PAM: variants seen among roughly 807,000 people sequenced by gnomAD.
PAM encodes peptidylglycine alpha-amidating monooxygenase.
In PAM, 72 loss-of-function variants were observed where a neutral mutation model predicts 122.1. The ratio of observed to expected loss-of-function variants is 0.59; its 90% CI spans 0.49 to 0.72. The LOEUF is 0.72. PAM is among the 30% of genes least tolerant of loss of function. PAM has a pLI of 0.00. For synonymous variants in PAM, 389 were observed against 404.4 expected (o/e 0.96, Z 0.46); for missense variants, 1,106 against 1,183.7 (o/e 0.93, Z 0.96).
chr5:102,949,660 C>G (rs771570537), intron 10 of PAM, 43 bp downstream of exon 10: 2 of 946,124 alleles, frequency 2.1e-6, no homozygotes, highest in African/African-American at 3.3e-5. Flanking sequence ...TACCATTGTG[C>G]TTCCTGGTGC....
At chr5:102,933,818 A>G (rs1172992449) in intron 7 of PAM, among the ~76,000 whole-genome samples, 2 of 152,212 alleles carry the variant, frequency 1.3e-5, no homozygotes, top group African/African-American at 4.8e-5. Context: ...GATCAGTGGC[A>G]AGGTAACTGT....
chr5:102,953,419 G>T (rs975875018), intron 12 of PAM, among the ~76,000 whole-genome samples: 4 of 152,146 alleles, frequency 2.6e-5, no homozygotes, highest in Non-Finnish European at 4.4e-5. Flanking sequence ...CAAGGTGGAT[G>T]AATCTGAAGG....
intron 1 of PAM, among the ~76,000 whole-genome samples, chr5:102,827,665 ATTTTTTTTTTTTT>A (rs947792228): frequency 2.8e-5 from 1 of 35,574 alleles, no homozygotes; most frequent in East Asian, 1.3e-3. Flanking sequence ...GCTCACTATG[ATTTTTTTTTTTTT>A]TTTTTTTTTT....
At position 103,029,033 on chromosome 5, in the gene PAM, C is replaced by T; in HGVS notation, c.2890C>T (p.Pro964Ser). ...GSESEEEYSA[P>S]LPALAPSSS ...TGAATCAGAAGAGGAGTATTCAGCA[C>T]CTCTGCCTGCGCTCGCACCTTCCTC... Residue 964 changes from proline to serine, a missense_variant, in exon 26 of 26, where the codon CCT becomes TCT. By Grantham distance (74) the Pro-to-Ser change is moderately conservative (BLOSUM62 -1). Coordinates refer to ENST00000438793, the MANE Select transcript of PAM (RefSeq NM_001177306.2). 6.2e-7 allele frequency: 1 copy of T among 1,612,248 alleles called. No homozygotes were observed. Among genetic ancestry groups the T allele is most frequent in the Non-Finnish European group, 8.5e-7 (1 of 1,179,446 alleles).
intron 14 of PAM, among the ~76,000 whole-genome samples, chr5:102,962,347 A>G (rs1027192353): frequency 1.3e-5 from 2 of 151,850 alleles, no homozygotes; most frequent in African/African-American, 2.4e-5. Flanking sequence ...AATCCTGTTT[A>G]TATATTTGTA....
intron 1 of PAM, among the ~76,000 whole-genome samples, chr5:102,840,749 A>G (rs1022775325): frequency 6.6e-6 from 1 of 152,168 alleles, no homozygotes; most frequent in African/African-American, 2.4e-5. Context: ...TAAGCCTCCA[A>G]TCATCACATG....
At chr5:102,756,590 G>A (rs1750400659) in intron 1 of PAM, among the ~76,000 whole-genome samples, 1 of 152,124 alleles carries the variant, frequency 6.6e-6, no homozygotes, top group African/African-American at 2.4e-5. Context: ...CATATTGTTT[G>A]TAAATTTTCA....
intron 1 of PAM, among the ~76,000 whole-genome samples, chr5:102,850,940 A>ACAAATGTGGGGCG (rs1198952826): frequency 1.3e-5 from 2 of 152,154 alleles, no homozygotes; most frequent in African/African-American, 4.8e-5. Context: ...AATTGGTGGG[A>ACAAATGTGGGGCG]CAAATGTGGG....
At chr5:102,809,377 C>G in intron 1 of PAM, among the ~76,000 whole-genome samples, 1 of 141,038 alleles carries the variant, frequency 7.1e-6, no homozygotes, top group South Asian at 2.2e-4. Flanking sequence ...AAAAAGAAAA[C>G]AAAAAACAAA....
At chr5:102,807,415 G>T (rs1210702149) in intron 1 of PAM, among the ~76,000 whole-genome samples, 2 of 152,192 alleles carry the variant, frequency 1.3e-5, no homozygotes, top group African/African-American at 2.4e-5. Flanking sequence ...TTTAAATTAT[G>T]TGTAGTTTGG....
At chr5:102,830,813 T>G (rs1394155909) in intron 1 of PAM, among the ~76,000 whole-genome samples, 1 of 152,252 alleles carries the variant, frequency 6.6e-6, no homozygotes, top group Non-Finnish European at 1.5e-5. Flanking sequence ...ACTTGGCAAA[T>G]TAAGCATGTT....
chr5:102,961,025 A>G (rs1358036056), intron 13 of PAM, 133 bp from the exon 14 acceptor site: 1 of 427,450 alleles, frequency 2.3e-6, no homozygotes, highest in African/African-American at 2.1e-5. Flanking sequence ...TTTCTGTCTT[A>G]TAAATTCTTA....
intron 15 of PAM, among the ~76,000 whole-genome samples, chr5:102,978,875 A>C (rs925656997): frequency 6.6e-6 from 1 of 151,984 alleles, no homozygotes; most frequent in African/African-American, 2.4e-5. Flanking sequence ...CTTTGAGCCA[A>C]GCTTAGTGTT....
At chr5:102,967,226 G>A (rs1004742988) in intron 14 of PAM, among the ~76,000 whole-genome samples, 4 of 152,098 alleles carry the variant, frequency 2.6e-5, no homozygotes, top group African/African-American at 9.7e-5. Context: ...TTAATTGGTG[G>A]TGTTATTAGA....
At position 103,028,173 on chromosome 5, in the gene PAM, T is replaced by A; in HGVS notation, c.2690-12T>A. 6.9e-6 allele frequency: 11 copies of A among 1,605,444 alleles called. No individual in the cohort carries two copies. The highest frequency in any genetic ancestry group is 9.4e-6 in the Non-Finnish European group (11 of 1,172,960). On this transcript the variant is annotated splice_polypyrimidine_tract_variant and intron_variant, in intron 24 of 25. Transcript: ENST00000438793. ...GGGACTCATTTTGAAATGTGCCATC[T>A]TTTTTTAGCAGATTCTGAACACAAA... is the stretch of plus-strand genomic sequence containing the variant.
At chr5:102,970,406 T>C (rs904573289) in intron 14 of PAM, among the ~76,000 whole-genome samples, 1 of 152,168 alleles carries the variant, frequency 6.6e-6, no homozygotes, top group East Asian at 1.9e-4. Context: ...GAAAATTCTT[T>C]TGGACAGTGT....
chr5:103,028,207 G>A lies in PAM; in HGVS notation c.2712G>A (p.Thr904=), dbSNP rs577217239. Residue 904 remains threonine, a synonymous_variant, in exon 25 of 26, where the codon ACG becomes ACA. Transcript: ENST00000438793. ...AFGDSEHKLE[T]SSGRVLGRFR... ...CAGATTCTGAACACAAACTCGAGACGAGTTCAGGAAGAGTACTGGGAAGAT... is the reference window on the plus strand; with the variant it reads ...CAGATTCTGAACACAAACTCGAGACAAGTTCAGGAAGAGTACTGGGAAGAT... 3.3e-5 allele frequency: 54 copies of A among 1,612,794 alleles called. No individual in the cohort carries two copies. The highest frequency in any genetic ancestry group is 4.4e-5 in the Non-Finnish European group (52 of 1,178,958).
At chr5:102,802,109 A>G (rs1171069714) in intron 1 of PAM, among the ~76,000 whole-genome samples, 1 of 152,132 alleles carries the variant, frequency 6.6e-6, no homozygotes, top group Non-Finnish European at 1.5e-5. Context: ...AACTCCACTA[A>G]TTGAGAGACG....
intron 1 of PAM, among the ~76,000 whole-genome samples, chr5:102,848,867 A>C (rs1447943393): frequency 6.6e-6 from 1 of 152,170 alleles, no homozygotes; most frequent in African/African-American, 2.4e-5. Flanking sequence ...TGGAACAGAA[A>C]TTGTCAAAGA....
Sources: allele counts gnomAD v4.1 joint callset (sites outside exome capture counted in the v4.1 genomes callset), GRCh38; gene constraint gnomAD v4.1.1; transcripts MANE v1.5; gene names NCBI Gene and HGNC (gene_info 2026-07-23, HGNC 2026-07-21).